DNAJC15: variants seen among roughly 807,000 people sequenced by gnomAD.
DNAJC15 encodes DnaJ heat shock protein family (Hsp40) member C15.
DNAJC15 carries 27 observed loss-of-function variants against 22.4 expected under a neutral mutation model. That is an observed-to-expected ratio of 1.20 (90% CI 0.89 to 1.66). The LOEUF (loss-of-function observed/expected upper bound fraction) is 1.66, where lower values mean the gene tolerates loss of function less well. Ranked by LOEUF, DNAJC15 falls within the 40% of genes most tolerant of loss-of-function variation. DNAJC15 has a pLI of 0.00. For missense variants in DNAJC15, 208 were observed against 187.1 expected, an observed-to-expected ratio of 1.11 and a Z score of -0.65; for synonymous variants, 79 against 63.2, an observed-to-expected ratio of 1.25 and a Z score of -1.19.
chr13:43,048,325 C>CAAAAAAA (rs766125510), intron 1 of DNAJC15, among the ~76,000 whole-genome samples: 6 of 130,356 alleles, frequency 4.6e-5, no homozygotes, highest in Non-Finnish European at 8.3e-5. Flanking sequence ...ACTAAAAATA[C>CAAAAAAA]AAAAAAAAAA....
chr13:43,039,878 G>A (rs2040445124), intron 1 of DNAJC15, among the ~76,000 whole-genome samples: 1 of 152,114 alleles, frequency 6.6e-6, no homozygotes, highest in African/African-American at 2.4e-5. Flanking sequence ...AGTTAGCCAG[G>A]CGTGGTGGCG....
intron 3 of DNAJC15, among the ~76,000 whole-genome samples, chr13:43,071,351 T>C (rs925314074): frequency 2.0e-5 from 3 of 152,196 alleles, no homozygotes; most frequent in Non-Finnish European, 4.4e-5. Context: ...GTGTACCCCC[T>C]TTTCCCTCTT....
chr13:43,027,315 G>A (rs780380511), intron 1 of DNAJC15, among the ~76,000 whole-genome samples: 49 of 152,094 alleles, frequency 3.2e-4, no homozygotes, highest in Non-Finnish European at 5.6e-4. Flanking sequence ...AATGTGTGCC[G>A]TGGTGGTTTG....
intron 1 of DNAJC15, among the ~76,000 whole-genome samples, chr13:43,063,918 A>G (rs749789983): frequency 6.6e-6 from 1 of 152,262 alleles, no homozygotes; most frequent in Non-Finnish European, 1.5e-5. Flanking sequence ...ATGTAGCACC[A>G]GGGAAGCGCT....
chr13:43,030,577 CATTT>C (rs1379444738), intron 1 of DNAJC15, among the ~76,000 whole-genome samples: 2 of 152,144 alleles, frequency 1.3e-5, no homozygotes, highest in African/African-American at 2.4e-5. Context: ...TATTTTTGTT[CATTT>C]ATTTATTCAT....
chr13:43,090,996 A>C (rs965155238), intron 5 of DNAJC15, among the ~76,000 whole-genome samples: 1 of 152,084 alleles, frequency 6.6e-6, no homozygotes, highest in Non-Finnish European at 1.5e-5. Flanking sequence ...GGTATTTGTA[A>C]GAGTTCACAA....
intron 4 of DNAJC15, among the ~76,000 whole-genome samples, chr13:43,079,665 T>C (rs2040652677): frequency 6.6e-6 from 1 of 152,188 alleles, no homozygotes; most frequent in Non-Finnish European, 1.5e-5. Flanking sequence ...TGAACTTTTA[T>C]TGGCCTCCCA....
intron 1 of DNAJC15, among the ~76,000 whole-genome samples, chr13:43,032,316 G>A (rs1234944852): frequency 5.9e-5 from 9 of 152,138 alleles, no homozygotes; most frequent in Admixed American, 1.3e-4. Flanking sequence ...ATGGGCCTGC[G>A]ACCAACACAT....
intron 5 of DNAJC15, among the ~76,000 whole-genome samples, chr13:43,104,795 TCCTC>T (rs1237971629): frequency 1.3e-5 from 2 of 151,456 alleles, no homozygotes; most frequent in Non-Finnish European, 2.9e-5. Context: ...GCTCAAGTGA[TCCTC>T]CACCTCAGCC....
rs574265874 is a variant in DNAJC15 at position 43,064,748 on chromosome 13, T to C, written c.109-938T>C. ...TTTCATCTCATTGTTCTTCCTACTT[T>C]ATCCAAGAGGGTTGCTCCAGCAGCA... On this transcript the variant is annotated intron_variant, in intron 1 of 5. Coordinates refer to ENST00000379221, the MANE Select transcript of DNAJC15 (RefSeq NM_013238.3). Among the ~76,000 whole-genome samples, 5 of 152,348 alleles carry C rather than the reference T, an allele frequency of 3.3e-5. 1 individual carries two copies. In the South Asian group the frequency reaches 1.0e-3, roughly 32 times the overall value.
At chr13:43,092,821 G>A (rs1806830385) in intron 5 of DNAJC15, among the ~76,000 whole-genome samples, 1 of 152,142 alleles carries the variant, frequency 6.6e-6, no homozygotes, top group South Asian at 2.1e-4. Context: ...AGCTGAGGTG[G>A]GAGGATTGCT....
chr13:43,069,069 T>A, intron 3 of DNAJC15, 66 bp downstream of exon 3: 1 of 1,447,504 alleles, frequency 6.9e-7, no homozygotes, highest in South Asian at 1.3e-5. Context: ...ATATTTCAAT[T>A]AACTTAGAAA....
rs1026050190 is a variant in DNAJC15 at position 43,113,369 on chromosome 13, C to T, written c.*6121C>T. On this transcript the variant is annotated 3_prime_UTR_variant, in exon 6 of 6. Transcript: ENST00000379221. ...CCTGCTGTTTATTTTCAATTTTGAA[C>T]AGGGTTATTTGTCCATGCCATACTT... is the stretch of plus-strand genomic sequence containing the variant. 1 of 152,142 alleles carries T rather than the reference C, an allele frequency of 6.6e-6. No homozygotes were observed. Among genetic ancestry groups the T allele is most frequent in the South Asian group, 2.1e-4 (1 of 4,828 alleles). 9.4% of individuals were successfully genotyped at this position (152,142 alleles called of 1,614,324 possible).
intron 1 of DNAJC15, among the ~76,000 whole-genome samples, chr13:43,033,241 C>T (rs1273568262): frequency 1.3e-5 from 2 of 152,158 alleles, no homozygotes; most frequent in African/African-American, 2.4e-5. Flanking sequence ...TATAGTGAGA[C>T]CCCATTTCTA....
intron 1 of DNAJC15, among the ~76,000 whole-genome samples, chr13:43,059,090 C>CA: frequency 6.6e-6 from 1 of 152,296 alleles, no homozygotes; most frequent in Admixed American, 6.5e-5. Flanking sequence ...TGAGTCTCCA[C>CA]ATGCTGTTTC....
chr13:43,040,741 G>A (rs1160225495), intron 1 of DNAJC15, among the ~76,000 whole-genome samples: 1 of 152,082 alleles, frequency 6.6e-6, no homozygotes, highest in African/African-American at 2.4e-5. Flanking sequence ...GGTGTTTCTC[G>A]GAGAGGGGGA....
chr13:43,107,191 C>T lies in DNAJC15; in HGVS notation c.396C>T (p.Tyr132=), dbSNP rs147456352. Reference sequence around the variant, plus strand: ...TTGTTCTCTCAGGTGGATCTCCTTACGTAGCAGCCAAAATAAATGAAGCAA... The same window carrying T: ...TTGTTCTCTCAGGTGGATCTCCTTATGTAGCAGCCAAAATAAATGAAGCAA... ...LNHPDKGGSP[Y]VAAKINEAKD... Residue 132 remains tyrosine (Y), a synonymous_variant, in exon 6 of 6, where the codon TAC becomes TAT. Coordinates refer to ENST00000379221, the MANE Select transcript of DNAJC15 (RefSeq NM_013238.3). 4.8e-4 allele frequency: 760 copies of T among 1,587,596 alleles called. 13 individuals are homozygous for T. The South Asian group carries it at 7.3e-3, about 15-fold the overall frequency.
chr13:43,088,300 G>A (rs1387569094), intron 5 of DNAJC15, among the ~76,000 whole-genome samples: 1 of 152,186 alleles, frequency 6.6e-6, no homozygotes, highest in Middle Eastern at 3.2e-3. Context: ...TATTTAAAAA[G>A]TACACCTTTG....
At chr13:43,075,921 A>G (rs1033777279) in intron 3 of DNAJC15, among the ~76,000 whole-genome samples, 3 of 152,192 alleles carry the variant, frequency 2.0e-5, no homozygotes, top group African/African-American at 7.2e-5. Flanking sequence ...TCAGCCTCGC[A>G]AAGTGCTGGG....
Sources: gnomAD v4.1 joint callset for allele counts (sites outside exome capture counted in the v4.1 genomes callset) on GRCh38, gnomAD v4.1.1 for gene constraint, MANE v1.5 for transcripts, NCBI Gene and HGNC (gene_info 2026-07-23, HGNC 2026-07-21) for gene names.